The following IP6K1 variants were observed in gnomAD, a reference collection of about 807,000 sequenced individuals.
IP6K1 encodes ATP:1D-myo-inositol-hexakisphosphate phosphotransferase.
In IP6K1, 13 loss-of-function variants were observed where a neutral mutation model predicts 38.3. That is an observed-to-expected ratio of 0.34 (90% CI 0.22 to 0.54). The LOEUF (loss-of-function observed/expected upper bound fraction) is 0.54, where lower values mean the gene tolerates loss of function less well. Ranked by LOEUF, IP6K1 falls within the 20% of genes least tolerant of loss-of-function variation. The probability of loss-of-function intolerance (pLI) is 0.92; values close to 1 mark genes in which losing one functional copy is unlikely to be tolerated. For synonymous variants in IP6K1, 212 were observed against 229.9 expected (o/e 0.92, Z 0.70); for missense variants, 397 against 599.8 (o/e 0.66, Z 3.53).
chr3:49,741,204 G>A (rs1163771919), intron 2 of IP6K1, among the ~76,000 whole-genome samples: 1 of 152,108 alleles, frequency 6.6e-6, no homozygotes, highest in African/African-American at 2.4e-5. Context: ...TGGATCATAT[G>A]GTTTCTGTGT....
At chr3:49,766,493 G>A (rs1438976102) in intron 1 of IP6K1, among the ~76,000 whole-genome samples, 2 of 151,440 alleles carry the variant, frequency 1.3e-5, no homozygotes, top group Non-Finnish European at 2.9e-5. Context: ...GTGAAACTCT[G>A]TCTCTACTAA....
chr3:49,769,040 G>A (rs1291579700), intron 1 of IP6K1, among the ~76,000 whole-genome samples: 1 of 152,028 alleles, frequency 6.6e-6, no homozygotes, highest in East Asian at 1.9e-4. Flanking sequence ...AAAATCAAAT[G>A]TCTTGGGTCA....
intron 1 of IP6K1, among the ~76,000 whole-genome samples, chr3:49,784,206 G>T (rs1385567951): frequency 2.6e-5 from 4 of 151,866 alleles, no homozygotes; most frequent in Admixed American, 1.3e-4. Context: ...ATTTTGGATA[G>T]GCTAATCTCT....
chr3:49,764,142 G>T (rs2108252083), intron 1 of IP6K1, among the ~76,000 whole-genome samples: 1 of 152,184 alleles, frequency 6.6e-6, no homozygotes, highest in East Asian at 1.9e-4. Context: ...CACACTTTGG[G>T]AGGTGAACGT....
intron 1 of IP6K1, among the ~76,000 whole-genome samples, chr3:49,757,668 C>A (rs935047596): frequency 6.6e-6 from 1 of 151,498 alleles, no homozygotes; most frequent in Non-Finnish European, 1.5e-5. Flanking sequence ...TGCAGTGAGC[C>A]AAGATTGCGC....
chr3:49,749,312 TG>T (rs1350813968), intron 1 of IP6K1, among the ~76,000 whole-genome samples: 3 of 151,842 alleles, frequency 2.0e-5, no homozygotes, highest in African/African-American at 7.3e-5. Context: ...CCTTTCTGTC[TG>T]ACTCTATACC....
At chr3:49,766,084 G>A (rs575691155) in intron 1 of IP6K1, among the ~76,000 whole-genome samples, 5 of 152,212 alleles carry the variant, frequency 3.3e-5, no homozygotes, top group Admixed American at 2.0e-4. Flanking sequence ...GCTGAGGCAG[G>A]AGAATGGTGT....
chr3:49,784,152 C>T (rs1362625932), intron 1 of IP6K1, among the ~76,000 whole-genome samples: 2 of 151,910 alleles, frequency 1.3e-5, no homozygotes, highest in Admixed American at 6.6e-5. Context: ...TGCACCACCA[C>T]GCCCAGCTAA....
intron 1 of IP6K1, among the ~76,000 whole-genome samples, chr3:49,769,063 C>T (rs1459217095): frequency 1.3e-5 from 2 of 151,854 alleles, no homozygotes; most frequent in Non-Finnish European, 2.9e-5. Flanking sequence ...TTTAACAAAA[C>T]GTGAAAGAAT....
At position 49,727,807 on chromosome 3, in the gene IP6K1, GGT is replaced by G. The variant is rs1287959182; in HGVS notation, c.793-154_793-153del. 6.0e-6 allele frequency: 5 copies of G among 834,778 alleles called. No individual in the cohort carries two copies. Among genetic ancestry groups the G allele is most frequent in the Non-Finnish European group, 9.1e-6 (5 of 546,626 alleles). 51.7% of individuals were successfully genotyped at this position (834,778 alleles called of 1,614,324 possible). A position where few individuals can be genotyped will look rare whatever the true frequency, so the allele number is the denominator to read the frequency against. On this transcript the variant is annotated intron_variant, in intron 5 of 5. Coordinates refer to ENST00000321599, the MANE Select transcript of IP6K1 (RefSeq NM_153273.4). The surrounding 1 kb of genome is among the most constrained non-coding windows in gnomAD (Gnocchi z 5.9). ...AACCAGGCAGGCCACATTCACCCTGGGTTTTCCCATTGCAGAACCAAGAGAAA... is the reference window on the plus strand; with the variant it reads ...AACCAGGCAGGCCACATTCACCCTGGTTTCCCATTGCAGAACCAAGAGAAA...
chr3:49,726,961 A>G lies in IP6K1; in HGVS notation c.*161T>C, dbSNP rs1306745048. ...TGTGGTCTGCCCTCCTTCACTTTAT[A>G]TATATGGATTCCAGGCTACAGCTAA... On this transcript the variant is annotated 3_prime_UTR_variant, in exon 6 of 6. Coordinates refer to ENST00000321599, the MANE Select transcript of IP6K1 (RefSeq NM_153273.4). 5 of 726,158 alleles carry G rather than the reference A, an allele frequency of 6.9e-6. No homozygotes were observed. The highest frequency in any genetic ancestry group is 1.1e-5 in the Non-Finnish European group (5 of 451,876). 45.0% of individuals were successfully genotyped at this position (726,158 alleles called of 1,614,324 possible).
At chr3:49,753,733 G>A (rs1309892427) in intron 1 of IP6K1, among the ~76,000 whole-genome samples, 1 of 152,122 alleles carries the variant, frequency 6.6e-6, no homozygotes, top group Admixed American at 6.6e-5. Context: ...AACCAAAAAA[G>A]TTTACATTTC....
At chr3:49,732,555 T>C (rs2080571725) in intron 4 of IP6K1, among the ~76,000 whole-genome samples, 1 of 152,226 alleles carries the variant, frequency 6.6e-6, no homozygotes, top group South Asian at 2.1e-4. Context: ...TTACAGACAG[T>C]TCTATCAGAC....
intron 1 of IP6K1, among the ~76,000 whole-genome samples, chr3:49,755,653 T>C (rs1306369685): frequency 6.6e-6 from 1 of 152,204 alleles, no homozygotes; most frequent in Non-Finnish European, 1.5e-5. Flanking sequence ...ACATAAAACT[T>C]GGGCTATACA....
chr3:49,755,457 T>G (rs924787513), intron 1 of IP6K1, among the ~76,000 whole-genome samples: 1 of 152,154 alleles, frequency 6.6e-6, no homozygotes, highest in African/African-American at 2.4e-5. Context: ...GTAATTAAAG[T>G]TAAACTTGGT....
intron 1 of IP6K1, chr3:49,775,490 T>C: frequency 2.9e-6 from 2 of 686,318 alleles, no homozygotes; most frequent in South Asian, 2.2e-5. Context: ...CTGGTGCCTA[T>C]TACTGTAAGG....
intron 1 of IP6K1, among the ~76,000 whole-genome samples, chr3:49,785,226 C>T (rs2081100962): frequency 1.3e-5 from 2 of 151,930 alleles, no homozygotes; most frequent in African/African-American, 2.4e-5. Context: ...AGTTAATTTG[C>T]GCCGGGCATA....
intron 1 of IP6K1, among the ~76,000 whole-genome samples, chr3:49,754,476 G>T (rs955271885): frequency 6.6e-6 from 1 of 152,158 alleles, no homozygotes; most frequent in Non-Finnish European, 1.5e-5. Context: ...TTGAGGCCAG[G>T]AGTTCAAGAC....
chr3:49,738,450 A>G (rs757843607), intron 2 of IP6K1, 28 bp from the exon 3 acceptor site: 2 of 1,567,600 alleles, frequency 1.3e-6, no homozygotes, highest in Non-Finnish European at 1.8e-6. Flanking sequence ...GTTGGTAAAC[A>G]AATGTCAACA....
Sources: gnomAD v4.1 joint callset for allele counts (sites outside exome capture counted in the v4.1 genomes callset) on GRCh38, gnomAD v4.1.1 for gene constraint, Gnocchi (gnomAD v3.1) non-coding constraint, MANE v1.5 for transcripts, NCBI Gene and HGNC (gene_info 2026-07-23, HGNC 2026-07-21) for gene names.